Variants in DPYD observed in about 807,000 individuals in gnomAD.
DPYD encodes the protein dihydropyrimidine dehydrogenase.
In DPYD, 109 loss-of-function variants were observed where a neutral mutation model predicts 116.2. The observed-to-expected ratio is 0.94, with a 90% CI of 0.80 to 1.10. The LOEUF is 1.10. Among genes scored for constraint, DPYD ranks in the 50% least tolerant of loss-of-function variants. The pLI is 0.00. For synonymous variants in DPYD, 440 were observed against 432.0 expected, an observed-to-expected ratio of 1.02 and a Z score of -0.23; for missense variants, 1,302 against 1,254.5, an observed-to-expected ratio of 1.04 and a Z score of -0.57.
intron 11 of DPYD, among the ~76,000 whole-genome samples, chr1:97,562,001 T>C (rs945507634): frequency 1.3e-5 from 2 of 152,198 alleles, no homozygotes; most frequent in African/African-American, 4.8e-5. Flanking sequence ...GCATGCATCT[T>C]TCCTCCTTTA....
At chr1:97,644,945 A>T (rs530403946) in intron 8 of DPYD, among the ~76,000 whole-genome samples, 1 of 152,102 alleles carries the variant, frequency 6.6e-6, no homozygotes, top group Non-Finnish European at 1.5e-5. Context: ...CACAAGAAAA[A>T]TTTTACTTTT....
chr1:97,582,630 T>A (rs1201057512), intron 10 of DPYD, among the ~76,000 whole-genome samples: 1 of 152,204 alleles, frequency 6.6e-6, no homozygotes, highest in Non-Finnish European at 1.5e-5. Flanking sequence ...ATTCTTTTAA[T>A]TAGGCAAAAA....
chr1:97,578,782 T>G (rs1653444646), intron 10 of DPYD, among the ~76,000 whole-genome samples: 1 of 152,120 alleles, frequency 6.6e-6, no homozygotes, highest in Non-Finnish European at 1.5e-5. Flanking sequence ...CAGTCTAAGC[T>G]CATTTACAGG....
intron 14 of DPYD, among the ~76,000 whole-genome samples, chr1:97,387,621 T>C (rs953814215): frequency 2.6e-5 from 4 of 151,986 alleles, no homozygotes; most frequent in Non-Finnish European, 5.9e-5. Context: ...GTCAGACACA[T>C]GGTCAGTAAA....
intron 1 of DPYD, among the ~76,000 whole-genome samples, chr1:97,906,198 T>C (rs1673609761): frequency 6.6e-6 from 1 of 152,058 alleles, no homozygotes; most frequent in South Asian, 2.1e-4. Flanking sequence ...TTACTGGATA[T>C]TGAGGTGAAG....
chr1:97,430,935 G>GA (rs1052949737), intron 14 of DPYD, among the ~76,000 whole-genome samples: 50 of 150,008 alleles, frequency 3.3e-4, no homozygotes, highest in East Asian at 1.2e-3. Context: ...AGTTCAGAAG[G>GA]AAAAAAAAAA....
At chr1:97,740,185 CA>C (rs1664183466) in intron 4 of DPYD, among the ~76,000 whole-genome samples, 1 of 151,946 alleles carries the variant, frequency 6.6e-6, no homozygotes, top group Non-Finnish European at 1.5e-5. Context: ...ATTTTCAAAA[CA>C]AAAAACAATG....
chr1:97,802,936 A>G (rs1257993690), intron 3 of DPYD, among the ~76,000 whole-genome samples: 1 of 151,932 alleles, frequency 6.6e-6, no homozygotes, highest in African/African-American at 2.4e-5. Flanking sequence ...AGAAACAGAT[A>G]CCAGCAAAAA....
chr1:97,844,748 G>A lies in DPYD; in HGVS notation c.151-16552C>T, dbSNP rs149303762. On this transcript the variant is annotated intron_variant, in intron 2 of 22. Coordinates refer to ENST00000370192, the MANE Select transcript of DPYD (RefSeq NM_000110.4). ...GTGGGAGCCTTGCCCTCTTGGGTGC[G>A]GCTGCAGCCACCCAGCTGTGGCTCC... Among the ~76,000 whole-genome samples, 156 of 152,264 alleles carry A rather than the reference G, an allele frequency of 1.0e-3. 1 individual carries two copies. The East Asian group carries it at 0.019, about 19-fold the overall frequency.
chr1:97,201,208 A>G (rs1262038295), intron 19 of DPYD, among the ~76,000 whole-genome samples: 1 of 152,186 alleles, frequency 6.6e-6, no homozygotes, highest in African/African-American at 2.4e-5. Flanking sequence ...CAGATTTTTA[A>G]CATTTAAGGT....
intron 19 of DPYD, among the ~76,000 whole-genome samples, chr1:97,234,082 T>A (rs974899897): frequency 1.3e-5 from 2 of 152,148 alleles, no homozygotes; most frequent in African/African-American, 4.8e-5. Context: ...TAGTGAGAAG[T>A]CATTATTAAT....
chr1:97,777,196 T>C, intron 3 of DPYD, among the ~76,000 whole-genome samples: 1 of 152,280 alleles, frequency 6.6e-6, no homozygotes, highest in Non-Finnish European at 1.5e-5. Flanking sequence ...ACCCAGATCA[T>C]TTATAACATT....
At chr1:97,524,177 G>C (rs1337092229) in intron 12 of DPYD, among the ~76,000 whole-genome samples, 3 of 152,112 alleles carry the variant, frequency 2.0e-5, no homozygotes, top group African/African-American at 7.2e-5. Context: ...CAAACTGCAG[G>C]AATATAGTCA....
At chr1:97,448,709 T>C (rs1236522568) in intron 14 of DPYD, among the ~76,000 whole-genome samples, 2 of 151,742 alleles carry the variant, frequency 1.3e-5, no homozygotes, top group East Asian at 1.9e-4. Flanking sequence ...AATTCTCATA[T>C]AGAGTTAATT....
intron 12 of DPYD, 99 bp downstream of exon 12, chr1:97,549,461 A>C: frequency 7.7e-7 from 1 of 1,300,054 alleles, no homozygotes; most frequent in African/African-American, 1.5e-5. Flanking sequence ...TATGCTTATT[A>C]TATACCAAAT....
rs897103530 is a variant in DPYD, at chr1:97,801,219, A to G, written c.233+26895T>C. On this transcript the variant is annotated intron_variant, in intron 3 of 22. Coordinates refer to ENST00000370192, the MANE Select transcript of DPYD (RefSeq NM_000110.4). ...CGTTCCACCATATGAGGACACAGCA[A>G]GAAGACAATACTCTGAAAGTCAGAA... 2.0e-5 allele frequency among the ~76,000 whole-genome samples: 3 copies of G among 152,036 alleles called. No individual in the cohort carries two copies. In the East Asian group the frequency reaches 5.8e-4, roughly 29 times the overall value.
At chr1:97,751,909 T>TCCAGCTAATTAGCTG (rs1211052564) in intron 3 of DPYD, among the ~76,000 whole-genome samples, 1 of 151,850 alleles carries the variant, frequency 6.6e-6, no homozygotes, top group Non-Finnish European at 1.5e-5. Context: ...ATCACAGGCC[T>TCCAGCTAATTAGCTG]GTGCCACCAC....
At chr1:97,535,429 G>T (rs1649921743) in intron 12 of DPYD, among the ~76,000 whole-genome samples, 1 of 152,104 alleles carries the variant, frequency 6.6e-6, no homozygotes, top group South Asian at 2.1e-4. Flanking sequence ...AATTGATACT[G>T]CAGTGGTTAA....
chr1:97,127,650 C>T (rs761702819), intron 20 of DPYD, among the ~76,000 whole-genome samples: 3 of 152,120 alleles, frequency 2.0e-5, no homozygotes, highest in African/African-American at 4.8e-5. Flanking sequence ...CTCAAAATCC[C>T]AACAATTAGT....
Sources: allele counts gnomAD v4.1 joint callset (sites outside exome capture counted in the v4.1 genomes callset), GRCh38; gene constraint gnomAD v4.1.1; transcripts MANE v1.5; gene names NCBI Gene and HGNC (gene_info 2026-07-23, HGNC 2026-07-21).